Variants in MACROD2 observed in about 807,000 individuals in gnomAD.
The protein encoded by MACROD2 is ADP-ribose glycohydrolase MACROD2.
Under a neutral mutation model 70.4 loss-of-function variants are expected in MACROD2, and 36 were observed. The ratio of observed to expected loss-of-function variants is 0.51; its 90% confidence interval spans 0.39 to 0.68. MACROD2 has a LOEUF of 0.68. Ranked by LOEUF, MACROD2 falls within the 30% of genes least tolerant of loss-of-function variation. MACROD2 has a pLI of 0.00. For missense variants in MACROD2, 496 were observed against 538.4 expected (o/e 0.92, Z 0.78); for synonymous variants, 172 against 178.8 (o/e 0.96, Z 0.30).
At chr20:15,191,949 A>G (rs534279180) in intron 5 of MACROD2, among the ~76,000 whole-genome samples, 87 of 105,844 alleles carry the variant, frequency 8.2e-4, no homozygotes, top group Admixed American at 2.7e-3. Flanking sequence ...GAGAGAGTTA[A>G]TACATATATA....
chr20:15,936,008 A>G (rs980473333), intron 11 of MACROD2, among the ~76,000 whole-genome samples: 2 of 152,252 alleles, frequency 1.3e-5, no homozygotes, highest in Middle Eastern at 3.4e-3. Flanking sequence ...CCTGCAAGTA[A>G]TAGTACATGC....
At chr20:14,990,808 G>A (rs2423905) in intron 5 of MACROD2, among the ~76,000 whole-genome samples, 3,243 of 152,158 alleles carry the variant, frequency 0.021, 69 homozygotes, top group Admixed American at 0.047. Flanking sequence ...CACCACGCCC[G>A]GCTGAGAACT....
chr20:15,663,625 A>G (rs1186774158), intron 8 of MACROD2, among the ~76,000 whole-genome samples: 1 of 152,176 alleles, frequency 6.6e-6, no homozygotes, highest in Non-Finnish European at 1.5e-5. Flanking sequence ...ACAGACAGAA[A>G]AAAAAAACCG....
At chr20:15,069,254 C>CA (rs971343651) in intron 5 of MACROD2, among the ~76,000 whole-genome samples, 8 of 151,878 alleles carry the variant, frequency 5.3e-5, no homozygotes, top group African/African-American at 1.4e-4. Context: ...GATATGGGAG[C>CA]AAAAAAATGA....
chr20:14,526,083 C>G (rs1269100638), intron 4 of MACROD2, among the ~76,000 whole-genome samples: 1 of 152,074 alleles, frequency 6.6e-6, no homozygotes, highest in East Asian at 1.9e-4. Context: ...CTTGCATGGC[C>G]CAGAGTACAA....
intron 2 of MACROD2, among the ~76,000 whole-genome samples, chr20:14,048,316 C>CATGATGAATGAGG (rs1374875908): frequency 6.6e-6 from 1 of 152,156 alleles, no homozygotes; most frequent in African/African-American, 2.4e-5. Context: ...AGGAAGCAAT[C>CATGATGAATGAGG]ATGATGAATG....
At chr20:14,908,497 A>G (rs2073987600) in intron 5 of MACROD2, among the ~76,000 whole-genome samples, 1 of 152,094 alleles carries the variant, frequency 6.6e-6, no homozygotes, top group Non-Finnish European at 1.5e-5. Context: ...TCTATTAAAA[A>G]TACAAAAATT....
Position 16,046,172 on chromosome 20 carries a change from A to C in MACROD2, c.1300+1533A>C, listed in dbSNP as rs370546640. Reference sequence around the variant, plus strand: ...CCACTCTTGTGCTCCAGCATCATGGAAGAATAAAATATGGGAATGTGTGAA... The same window carrying C: ...CCACTCTTGTGCTCCAGCATCATGGCAGAATAAAATATGGGAATGTGTGAA... On this transcript the variant is annotated intron_variant, in intron 17 of 17. Coordinates refer to ENST00000684519, the MANE Select transcript of MACROD2 (RefSeq NM_001351661.2). Among the ~76,000 whole-genome samples, 13 of 152,262 alleles carry C rather than the reference A, an allele frequency of 8.5e-5. No individual in the cohort carries two copies. In the East Asian group the frequency reaches 2.3e-3, roughly 27 times the overall value.
At chr20:14,200,309 T>G (rs1384617996) in intron 3 of MACROD2, among the ~76,000 whole-genome samples, 1 of 152,074 alleles carries the variant, frequency 6.6e-6, no homozygotes, top group Non-Finnish European at 1.5e-5. Flanking sequence ...TTCTCATAAG[T>G]GGGAGCTAAA....
At chr20:14,020,314 A>C (rs1013587932) in intron 2 of MACROD2, among the ~76,000 whole-genome samples, 1 of 152,112 alleles carries the variant, frequency 6.6e-6, no homozygotes, top group Admixed American at 6.5e-5. Context: ...CCCTACTAAA[A>C]ATACAGAAAT....
chr20:14,987,419 T>C (rs1366188828), intron 5 of MACROD2, among the ~76,000 whole-genome samples: 1 of 152,222 alleles, frequency 6.6e-6, no homozygotes, highest in Non-Finnish European at 1.5e-5. Context: ...AAACAACTTG[T>C]TCACATACCT....
chr20:15,128,280 T>A (rs1347271694), intron 5 of MACROD2, among the ~76,000 whole-genome samples: 1 of 152,126 alleles, frequency 6.6e-6, no homozygotes, highest in Non-Finnish European at 1.5e-5. Context: ...AGTCCTACCA[T>A]ATGATGGCTG....
chr20:14,461,310 C>G (rs1414930973), intron 3 of MACROD2, among the ~76,000 whole-genome samples: 1 of 151,888 alleles, frequency 6.6e-6, no homozygotes, highest in African/African-American at 2.4e-5. Flanking sequence ...TTTGATTCTT[C>G]TGTCTTTTCT....
intron 8 of MACROD2, among the ~76,000 whole-genome samples, chr20:15,537,193 A>G (rs534306074): frequency 8.6e-5 from 13 of 151,674 alleles, no homozygotes; most frequent in African/African-American, 2.7e-4. Context: ...ATAAGATTAA[A>G]CCCCTTTTTG....
chr20:15,348,949 AAAG>A (rs2078197231), intron 6 of MACROD2, among the ~76,000 whole-genome samples: 1 of 152,184 alleles, frequency 6.6e-6, no homozygotes, highest in African/African-American at 2.4e-5. Flanking sequence ...TTAAGGAAAA[AAAG>A]AATTAACTTT....
intron 3 of MACROD2, among the ~76,000 whole-genome samples, chr20:14,244,398 C>A (rs539796861): frequency 6.6e-6 from 1 of 151,512 alleles, no homozygotes; most frequent in African/African-American, 2.4e-5. Context: ...AAAAAAAAAA[C>A]CCATATTCAG....
chr20:15,728,875 T>A (rs2423983), intron 8 of MACROD2, among the ~76,000 whole-genome samples: 3 of 151,766 alleles, frequency 2.0e-5, no homozygotes, highest in Non-Finnish European at 4.4e-5. Flanking sequence ...TTTTGTATCT[T>A]GGTTTCCTTC....
At chr20:15,681,175 T>A (rs2050154981) in intron 8 of MACROD2, among the ~76,000 whole-genome samples, 1 of 152,198 alleles carries the variant, frequency 6.6e-6, no homozygotes, top group Non-Finnish European at 1.5e-5. Context: ...TCAAATTTAC[T>A]TGGGTCTTGT....
At chr20:14,823,851 T>C (rs2072874263) in intron 5 of MACROD2, among the ~76,000 whole-genome samples, 1 of 152,132 alleles carries the variant, frequency 6.6e-6, no homozygotes, top group South Asian at 2.1e-4. Flanking sequence ...GAAATAGCAG[T>C]CTTTGCTACC....
Sources: gnomAD v4.1 joint callset for allele counts (sites outside exome capture counted in the v4.1 genomes callset) on GRCh38, gnomAD v4.1.1 for gene constraint, MANE v1.5 for transcripts, NCBI Gene and HGNC (gene_info 2026-07-23, HGNC 2026-07-21) for gene names.